The following LRRC17 variants were observed in gnomAD, a reference collection of about 807,000 sequenced individuals.
LRRC17 encodes leucine-rich repeat-containing protein 17.
In LRRC17, 33 loss-of-function variants were observed where a neutral mutation model predicts 41.5. The observed-to-expected ratio is 0.80, with a 90% CI of 0.60 to 1.06. The LOEUF is 1.06. LRRC17 is among the 50% of genes least tolerant of loss of function. LRRC17 has a pLI of 0.00. For missense variants in LRRC17, 491 were observed against 519.3 expected (o/e 0.95, Z 0.53); for synonymous variants, 192 against 197.0 (o/e 0.97, Z 0.21).
rs150260712 is a variant in LRRC17 at position 102,919,067 on chromosome 7, G to T, written c.-141+5922G>T. Among the ~76,000 whole-genome samples the T allele has an allele frequency of 3.3e-3, 508 of 152,290 alleles. 5 individuals are homozygous for T. Among genetic ancestry groups the T allele is most frequent in the African/African-American group, 0.012 (487 of 41,558 alleles). ...CCACAGTGGTCACTGGAGCCAGCTTGCACAGCTCATGGGAGTTGATTGTTA... is the reference window on the plus strand; with the variant it reads ...CCACAGTGGTCACTGGAGCCAGCTTTCACAGCTCATGGGAGTTGATTGTTA... On this transcript the variant is annotated intron_variant, in intron 1 of 3. Coordinates refer to ENST00000339431, the MANE Select transcript of LRRC17 (RefSeq NM_001031692.3).
Position 102,934,524 on chromosome 7 carries a change from G to A in LRRC17, c.611G>A (p.Arg204Gln), listed in dbSNP as rs201380677. ...SPQEQKNKKL[R>Q]QIKSEQLCNE... ...CAAGAACAAAAAAATAAAAAACTGC[G>A]GCAGATAAAATCTGAACAGTTGTGT... The change falls in exon 2 of 4, where the codon CGG (arginine) becomes CAG (glutamine). Residue 204 changes from arginine to glutamine, a missense_variant. Arg to Gln is a conservative substitution (Grantham distance 43). Transcript: ENST00000339431. 38 of 1,607,296 alleles carry A rather than the reference G, an allele frequency of 2.4e-5. No individual in the cohort carries two copies. The East Asian group carries it at 3.8e-4, about 16-fold the overall frequency.
Position 102,933,867 on chromosome 7 carries a change from TTGTTCCG to T in LRRC17, c.-45_-39del. On this transcript the variant is annotated 5_prime_UTR_variant, in exon 2 of 4. The change abolishes the stop of an existing upstream ORF in the 5' untranslated region. Coordinates refer to ENST00000339431, the MANE Select transcript of LRRC17 (RefSeq NM_001031692.3). ...CTTGGATTTCAAAGGAATACTTTCA[TTGTTCCG>T]TCTGTAACACGAAGTAATTGGGGCC... 1 of 1,504,348 alleles carries T rather than the reference TTGTTCCG, an allele frequency of 6.6e-7. No individual in the cohort carries two copies. Among genetic ancestry groups the T allele is most frequent in the Non-Finnish European group, 8.9e-7 (1 of 1,122,550 alleles). The allele number at this position is 1,504,348 out of a possible 1,614,324, so 93.2% of individuals were successfully genotyped here. A position where few individuals can be genotyped will look rare whatever the true frequency, so the allele number is the denominator to read the frequency against.
intron 1 of LRRC17, among the ~76,000 whole-genome samples, chr7:102,914,767 GA>G (rs1815489737): frequency 6.6e-6 from 1 of 152,230 alleles, no homozygotes; most frequent in Non-Finnish European, 1.5e-5. Context: ...GCCTGAAGGA[GA>G]AAGCAGTGCT....
At chr7:102,923,356 T>C (rs986726205) in intron 1 of LRRC17, among the ~76,000 whole-genome samples, 1 of 152,158 alleles carries the variant, frequency 6.6e-6, no homozygotes, top group Non-Finnish European at 1.5e-5. Flanking sequence ...ACTTCCATAT[T>C]GGCCAATTCC....
chr7:102,937,327 C>T (rs1014442568), intron 2 of LRRC17, among the ~76,000 whole-genome samples: 2 of 136,334 alleles, frequency 1.5e-5, no homozygotes, highest in Non-Finnish European at 1.6e-5. Flanking sequence ...AGTTGAAACC[C>T]CATCTCTACT....
At position 102,913,303 on chromosome 7, in the gene LRRC17, A is replaced by G. The variant is rs1584904107; in HGVS notation, c.-141+158A>G. On this transcript the variant is annotated intron_variant, in intron 1 of 3. Coordinates refer to ENST00000339431, the MANE Select transcript of LRRC17 (RefSeq NM_001031692.3). ...AAGCCACTATGACAAAGAAAACTGT[A>G]AATTCAACTCTTCTTCTTGCAGATG... 16 of 1,511,780 alleles carry G rather than the reference A, an allele frequency of 1.1e-5. No individual in the cohort carries two copies. The East Asian group carries it at 3.6e-4, about 34-fold the overall frequency. The allele number at this position is 1,511,780 out of a possible 1,614,324, so 93.6% of individuals were successfully genotyped here.
chr7:102,939,436 A>G lies in LRRC17; in HGVS notation c.779A>G (p.Lys260Arg), dbSNP rs1408929711. The G allele has an allele frequency of 6.2e-7, 1 of 1,604,342 alleles. No individual in the cohort carries two copies. Among genetic ancestry groups the G allele is most frequent in the Admixed American group, 1.8e-5 (1 of 56,598 alleles). The change falls in exon 3 of 4, where the codon AAA (lysine) becomes AGA (arginine). Residue 260 changes from lysine to arginine, a missense_variant. Coordinates refer to ENST00000339431, the MANE Select transcript of LRRC17 (RefSeq NM_001031692.3). ...QTLDCKRKEL[K>R]KVPNNIPPDI... The stretch of plus-strand genomic sequence containing the variant: ...ATATTATTAAATTTTCCAGAGTTGA[A>G]AAAAGTGCCAAACAACATCCCTCCA...
At chr7:102,925,654 G>T (rs540475319) in intron 1 of LRRC17, among the ~76,000 whole-genome samples, 1 of 151,940 alleles carries the variant, frequency 6.6e-6, no homozygotes, top group African/African-American at 2.4e-5. Flanking sequence ...CTATTATAAA[G>T]AGGTCCGCTG....
chr7:102,934,770 T>A lies in LRRC17; in HGVS notation c.772+85T>A, dbSNP rs1012314282. 4.1e-6 allele frequency: 5 copies of A among 1,212,566 alleles called. No individual in the cohort carries two copies. The African/African-American group carries it at 6.1e-5, about 15-fold the overall frequency. The allele number at this position is 1,212,566 out of a possible 1,614,324, so 75.1% of individuals were successfully genotyped here. The stretch of plus-strand genomic sequence containing the variant: ...ATAATCCTCCCTACATCCCACCATG[T>A]CTTGGAATTCGTGATGTCACTTCCA... On this transcript the variant is annotated intron_variant, in intron 2 of 3. Coordinates refer to ENST00000339431, the MANE Select transcript of LRRC17 (RefSeq NM_001031692.3).
intron 1 of LRRC17, among the ~76,000 whole-genome samples, chr7:102,918,040 C>T (rs570074369): frequency 6.6e-6 from 1 of 152,244 alleles, no homozygotes; most frequent in South Asian, 2.1e-4. Context: ...TTACATTTTT[C>T]TCTTGGCAAG....
rs1019237691 is a variant in LRRC17, at chr7:102,923,164, T to C, written c.-141+10019T>C. On this transcript the variant is annotated intron_variant, in intron 1 of 3. Coordinates refer to ENST00000339431, the MANE Select transcript of LRRC17 (RefSeq NM_001031692.3). ...TAAATCAAAGAATAGTTTTCAAGTA[T>C]TGAGAGAATATTTCCTCAATATTTT... Among the ~76,000 whole-genome samples the C allele has an allele frequency of 5.9e-5, 9 of 152,188 alleles. No individual in the cohort carries two copies. In the South Asian group the frequency reaches 1.9e-3, roughly 31 times the overall value.
At chr7:102,915,821 A>G (rs1490699307) in intron 1 of LRRC17, among the ~76,000 whole-genome samples, 3 of 152,182 alleles carry the variant, frequency 2.0e-5, no homozygotes, top group Non-Finnish European at 2.9e-5. Context: ...AACTGCTGTG[A>G]TTGTGAACTA....
chr7:102,932,434 C>T (rs898964822), intron 1 of LRRC17, among the ~76,000 whole-genome samples: 7 of 147,648 alleles, frequency 4.7e-5, no homozygotes, highest in Admixed American at 2.7e-4. Flanking sequence ...ATCTATAGCC[C>T]TCAATCATCT....
At chr7:102,929,866 A>G (rs537923856) in intron 1 of LRRC17, among the ~76,000 whole-genome samples, 1 of 152,138 alleles carries the variant, frequency 6.6e-6, no homozygotes, top group East Asian at 1.9e-4. Context: ...ATGAAATTGT[A>G]CACTTTAAGT....
intron 1 of LRRC17, among the ~76,000 whole-genome samples, chr7:102,924,880 C>T (rs997619600): frequency 4.6e-5 from 7 of 151,878 alleles, no homozygotes; most frequent in African/African-American, 9.7e-5. Context: ...CCACCCGCCC[C>T]GGCCTCCCAA....
At chr7:102,927,284 G>A (rs1172446101) in intron 1 of LRRC17, among the ~76,000 whole-genome samples, 2 of 152,160 alleles carry the variant, frequency 1.3e-5, no homozygotes, top group African/African-American at 4.8e-5. Context: ...TATTAGTGGT[G>A]CATGCAATGT....
intron 3 of LRRC17, 131 bp downstream of exon 3, chr7:102,939,716 A>G: frequency 1.2e-6 from 1 of 825,046 alleles, no homozygotes; most frequent in Non-Finnish European, 1.8e-6. Context: ...GTTTTAATTA[A>G]ACATGACACT....
intron 3 of LRRC17, among the ~76,000 whole-genome samples, chr7:102,941,844 C>T (rs998445516): frequency 6.6e-6 from 1 of 151,466 alleles, no homozygotes; most frequent in Admixed American, 6.6e-5. Context: ...TACAACAAAA[C>T]TAGTATACAA....
chr7:102,926,468 A>C, intron 1 of LRRC17: 3 of 901,640 alleles, frequency 3.3e-6, no homozygotes, highest in Non-Finnish European at 5.0e-6. Context: ...CTGTTCCAGA[A>C]AAAAATACAT....
Sources: gnomAD v4.1 joint callset for allele counts (sites outside exome capture counted in the v4.1 genomes callset) on GRCh38, gnomAD v4.1.1 for gene constraint, MANE v1.5 for transcripts, NCBI Gene and HGNC (gene_info 2026-07-23, HGNC 2026-07-21) for gene names.